ABCE1: variants seen among roughly 807,000 people sequenced by gnomAD.
ABCE1 encodes the protein ATP binding cassette subfamily E member 1.
Under a neutral mutation model 83.4 loss-of-function variants are expected in ABCE1, and 22 were observed. The ratio of observed to expected loss-of-function variants is 0.26; its 90% CI spans 0.19 to 0.38. ABCE1 has a LOEUF of 0.38. ABCE1 is among the 10% of genes least tolerant of loss of function. The pLI, the probability that ABCE1 is intolerant of heterozygous loss-of-function variation, is 1.00. For synonymous variants in ABCE1, 204 were observed against 233.7 expected (o/e 0.87, Z 1.16); for missense variants, 330 against 721.9 (o/e 0.46, Z 6.22).
intron 13 of ABCE1, 188 bp downstream of exon 13, chr4:145,121,579 A>AT (rs1221703552): frequency 1.9e-6 from 1 of 533,746 alleles, no homozygotes; most frequent in African/African-American, 1.9e-5. Flanking sequence ...CTTTAAAGAT[A>AT]TTTGTCATCT....
Position 145,104,446 on chromosome 4 carries a change from A to T in ABCE1, c.34A>T (p.Asn12Tyr). ...ADKLTRIAIV[N>Y]HDKCKPKKCR... ...CAAGTTAACGAGAATTGCTATTGTC[A>T]ACCATGACAAATGTAAACCTAAGAA... The change falls in exon 2 of 18, where the codon AAC (asparagine) becomes TAC (tyrosine). Residue 12 changes from asparagine to tyrosine, a missense_variant. Transcript: ENST00000296577. 1 of 1,602,190 alleles carries T rather than the reference A, an allele frequency of 6.2e-7. No homozygotes were observed. Among genetic ancestry groups the T allele is most frequent in the Non-Finnish European group, 8.5e-7 (1 of 1,174,852 alleles).
chr4:145,113,587 A>C (rs1335093986), intron 9 of ABCE1, among the ~76,000 whole-genome samples: 2 of 152,196 alleles, frequency 1.3e-5, no homozygotes, highest in African/African-American at 2.4e-5. Context: ...TTAGAGGAGG[A>C]AACGGTCCGC....
At chr4:145,110,850 T>C in intron 7 of ABCE1, 118 bp from the exon 8 acceptor site, 2 of 653,346 alleles carry the variant, frequency 3.1e-6, no homozygotes, top group South Asian at 4.3e-5. Context: ...CAGTAATTGT[T>C]ATATTTAAAC....
Position 145,129,447 on chromosome 4 carries a change from A to C in ABCE1, c.*1874A>C, listed in dbSNP as rs1005604010. Among the ~76,000 whole-genome samples the C allele has an allele frequency of 6.6e-6, 1 of 152,168 alleles. No individual in the cohort carries two copies. The highest frequency in any genetic ancestry group is 2.4e-5 in the African/African-American group (1 of 41,436). On this transcript the variant is annotated 3_prime_UTR_variant, in exon 18 of 18. Transcript: ENST00000296577. Reference sequence around the variant, plus strand: ...GTCTCAAATACTTAAAAAAACAAAAAACTGGAACAGTTTATTATACTACCA... The same window carrying C: ...GTCTCAAATACTTAAAAAAACAAAACACTGGAACAGTTTATTATACTACCA...
rs1276943845 is a variant in ABCE1, at chr4:145,129,415, G to T, written c.*1842G>T. Among the ~76,000 whole-genome samples the T allele has an allele frequency of 6.6e-6, 1 of 151,668 alleles. No individual in the cohort carries two copies. Among genetic ancestry groups the T allele is most frequent in the Non-Finnish European group, 1.5e-5 (1 of 67,930 alleles). On this transcript the variant is annotated 3_prime_UTR_variant, in exon 18 of 18. Coordinates refer to ENST00000296577, the MANE Select transcript of ABCE1 (RefSeq NM_002940.3). ...TGAGACTACTTCATATGTCCTAATT[G>T]GAAAAAGTCTCAAATACTTAAAAAA...
chr4:145,100,646 A>C (rs543950085), intron 1 of ABCE1, among the ~76,000 whole-genome samples: 1 of 152,224 alleles, frequency 6.6e-6, no homozygotes, highest in African/African-American at 2.4e-5. Context: ...TTCCTCTTCT[A>C]ATCTTTACAA....
chr4:145,104,311 G>T (rs1749238824), intron 1 of ABCE1, 75 bp from the exon 2 acceptor site: 3 of 524,114 alleles, frequency 5.7e-6, no homozygotes, highest in Non-Finnish European at 6.4e-6. Context: ...GATCATTTAT[G>T]TTTTCCTGTC....
In ABCE1 at chr4:145,110,960, C is replaced by G; in HGVS notation, c.614-8C>G. The G allele has an allele frequency of 6.3e-7, 1 of 1,596,118 alleles. No homozygotes were observed. On this transcript the variant is annotated splice_polypyrimidine_tract_variant and splice_region_variant and intron_variant, in intron 7 of 17. Transcript: ENST00000296577. ...ACATTGAGCACAATGCCTCTATGTT[C>G]TTTGTAGATTTAACCCACCTAAAAG...
At chr4:145,121,125 TA>T in intron 11 of ABCE1, 48 bp from the exon 12 acceptor site, 1 of 1,590,918 alleles carries the variant, frequency 6.3e-7, no homozygotes, top group Non-Finnish European at 8.6e-7. Context: ...TGATTTACTT[TA>T]AACGTCAAGC....
intron 1 of ABCE1, among the ~76,000 whole-genome samples, chr4:145,103,444 G>A (rs1305835337): frequency 1.3e-5 from 2 of 152,116 alleles, no homozygotes; most frequent in East Asian, 3.8e-4. Context: ...GCCCAATATT[G>A]TGAAAGATTT....
intron 7 of ABCE1, 61 bp downstream of exon 7, chr4:145,110,505 C>G (rs1653778029): frequency 1.3e-6 from 2 of 1,530,140 alleles, no homozygotes. Flanking sequence ...GACGGAGTTT[C>G]GCTCTTGTTG....
chr4:145,125,062 C>A lies in ABCE1; in HGVS notation c.1713C>A (p.Asn571Lys), dbSNP rs779562391. 3 of 1,612,454 alleles carry A rather than the reference C, an allele frequency of 1.9e-6. No individual in the cohort carries two copies. The South Asian group carries it at 3.3e-5, about 18-fold the overall frequency. ...QLEITFRRDPNNYRPRINKLN... is the reference protein window; with the variant it reads ...QLEITFRRDPKNYRPRINKLN... ...AAATTACATTCAGAAGAGATCCAAA[C>A]AACTATAGGCCACGAATAAACAAAC... Residue 571 changes from asparagine to lysine, a missense_variant, in exon 17 of 18, where the codon AAC (asparagine) becomes AAA (lysine). Asn to Lys is a moderately conservative substitution (Grantham distance 94, BLOSUM62 0). Coordinates refer to ENST00000296577, the MANE Select transcript of ABCE1 (RefSeq NM_002940.3).
At chr4:145,122,213 C>T (rs1362692983) in intron 13 of ABCE1, 1 of 152,180 alleles carries the variant, frequency 6.6e-6, no homozygotes, top group Non-Finnish European at 1.5e-5. Context: ...CCTCAACATT[C>T]AATTTATGTT....
In ABCE1 at chr4:145,117,420, T is replaced by C. The variant is rs775603123; in HGVS notation, c.922+6T>C. The C allele has an allele frequency of 6.8e-6, 11 of 1,608,552 alleles. No homozygotes were observed. In the South Asian group the frequency reaches 9.9e-5, roughly 15 times the overall value. ...GCCTTTTAGTGTAAGAGAAGGTAAC[T>C]TGAAAAACTTTTTTCACATATGCTG... On this transcript the variant is annotated splice_donor_region_variant and intron_variant, in intron 10 of 17. Coordinates refer to ENST00000296577, the MANE Select transcript of ABCE1 (RefSeq NM_002940.3).
At chr4:145,120,255 G>C in intron 11 of ABCE1, 102 bp downstream of exon 11, 1 of 998,800 alleles carries the variant, frequency 1.0e-6, no homozygotes, top group Non-Finnish European at 1.5e-6. Context: ...TATAGGGCTA[G>C]AAGCAGAGTT....
chr4:145,108,249 C>T (rs1749361417), intron 4 of ABCE1, 137 bp downstream of exon 4: 4 of 752,988 alleles, frequency 5.3e-6, no homozygotes, highest in Non-Finnish European at 6.7e-6. Context: ...TAACATCATG[C>T]AGAATCATAC....
chr4:145,123,035 G>C lies in ABCE1; in HGVS notation c.1278G>C (p.Gln426His), dbSNP rs759874477. 66 of 1,586,680 alleles carry C rather than the reference G, an allele frequency of 4.2e-5. No individual in the cohort carries two copies. Among genetic ancestry groups the C allele is most frequent in the Non-Finnish European group, 5.3e-5 (62 of 1,169,354 alleles). ...ISPKSTGSVR[Q>H]LLHEKIRDAY... ...ATTAAAAACAGGGAAGTGTTCGCCA[G>C]TTACTACATGAAAAGATAAGAGATG... Residue 426 changes from glutamine (Q) to histidine (H), a missense_variant, in exon 14 of 18, where the codon CAG (glutamine) becomes CAC (histidine). Gln to His is a conservative substitution (Grantham distance 24, BLOSUM62 0). Coordinates refer to ENST00000296577, the MANE Select transcript of ABCE1 (RefSeq NM_002940.3).
chr4:145,112,124 T>C, intron 8 of ABCE1, 115 bp from the exon 9 acceptor site: 1 of 665,352 alleles, frequency 1.5e-6, no homozygotes, highest in South Asian at 2.4e-5. Flanking sequence ...CTATTGGAGA[T>C]TTGTGTTGTG....
At chr4:145,113,036 C>G (rs1177483315) in intron 9 of ABCE1, among the ~76,000 whole-genome samples, 1 of 152,080 alleles carries the variant, frequency 6.6e-6, no homozygotes, top group Non-Finnish European at 1.5e-5. Flanking sequence ...AAATACATGG[C>G]TCATCTTGCA....
Sources: gnomAD v4.1 joint callset for allele counts (sites outside exome capture counted in the v4.1 genomes callset) on GRCh38, gnomAD v4.1.1 for gene constraint, MANE v1.5 for transcripts, NCBI Gene and HGNC (gene_info 2026-07-23, HGNC 2026-07-21) for gene names.